Variants in EFCAB5 observed in about 807,000 individuals in gnomAD.
EFCAB5 encodes EF-hand calcium binding domain 5, also known as EF-hand calcium-binding domain-containing protein 5.
Under a neutral mutation model 167.9 loss-of-function variants are expected in EFCAB5, and 131 were observed. The observed-to-expected ratio is 0.78, with a 90% confidence interval of 0.68 to 0.90. The LOEUF (loss-of-function observed/expected upper bound fraction) is 0.90. Among genes scored for constraint, EFCAB5 ranks in the 40% least tolerant of loss-of-function variants. The probability of loss-of-function intolerance (pLI) is 0.00; values close to 1 mark genes in which losing one functional copy is unlikely to be tolerated. For missense variants in EFCAB5, 1,663 were observed against 1,745.2 expected, an observed-to-expected ratio of 0.95 and a Z score of 0.84; for synonymous variants, 574 against 602.8, an observed-to-expected ratio of 0.95 and a Z score of 0.70.
chr17:30,075,244 T>C (rs1007851189), intron 14 of EFCAB5, among the ~76,000 whole-genome samples: 3 of 152,224 alleles, frequency 2.0e-5, no homozygotes, highest in African/African-American at 7.2e-5. Context: ...TCCTTCTTAC[T>C]ACATTTAAGT....
At chr17:30,019,062 C>A (rs1294153773) in intron 7 of EFCAB5, among the ~76,000 whole-genome samples, 2 of 152,128 alleles carry the variant, frequency 1.3e-5, no homozygotes, top group Admixed American at 1.3e-4. Context: ...AGAGGCTTGA[C>A]ATTTTCTTTT....
At chr17:30,043,778 A>T (rs2069842056) in intron 8 of EFCAB5, among the ~76,000 whole-genome samples, 1 of 152,220 alleles carries the variant, frequency 6.6e-6, no homozygotes, top group South Asian at 2.1e-4. Context: ...TGAATGAATC[A>T]AAAAATTCAG....
chr17:29,950,589 G>A (rs1346593453), intron 3 of EFCAB5: 1 of 152,044 alleles, frequency 6.6e-6, no homozygotes, highest in East Asian at 1.9e-4. Context: ...GCCCAGAGTG[G>A]TCTTGAGCTC....
intron 1 of EFCAB5, among the ~76,000 whole-genome samples, chr17:29,934,004 C>G (rs9905638): frequency 0.49 from 74,671 of 151,884 alleles, 18,711 homozygotes; most frequent in East Asian, 0.69. Context: ...CTTTTAATGA[C>G]AAAAATAAAC....
At chr17:30,090,715 T>C (rs2071179554) in intron 20 of EFCAB5, 41 bp downstream of exon 20, 6 of 1,573,482 alleles carry the variant, frequency 3.8e-6, no homozygotes, top group Non-Finnish European at 5.2e-6. Context: ...ACAGGTTTAA[T>C]AGGTTTTGGG....
chr17:29,971,753 T>C (rs2067959508), intron 4 of EFCAB5, among the ~76,000 whole-genome samples: 1 of 152,226 alleles, frequency 6.6e-6, no homozygotes. Context: ...CACTGAAATA[T>C]GCTTTCTACT....
At chr17:29,966,360 G>A (rs943457459) in intron 3 of EFCAB5, among the ~76,000 whole-genome samples, 2 of 152,170 alleles carry the variant, frequency 1.3e-5, no homozygotes, top group African/African-American at 4.8e-5. Context: ...GCTGGGCATG[G>A]TGGTTCATGC....
chr17:29,983,982 G>A (rs1210046322), intron 4 of EFCAB5, among the ~76,000 whole-genome samples: 2 of 152,036 alleles, frequency 1.3e-5, no homozygotes, highest in Non-Finnish European at 1.5e-5. Flanking sequence ...TCATTTTTGT[G>A]TCACATGAGA....
chr17:30,086,278 A>G (rs2071087549), intron 18 of EFCAB5, among the ~76,000 whole-genome samples: 1 of 152,206 alleles, frequency 6.6e-6, no homozygotes, highest in African/African-American at 2.4e-5. Context: ...GTTTCTACGA[A>G]AAAATATTGA....
rs1167238873 is a variant in EFCAB5 at position 30,093,453 on chromosome 17, A to C, written c.4321+517A>C. Reference sequence around the variant, plus strand: ...CCAGAGGCCTCAGGCTGTGATGAGGAATTCATTTATAGTTTGTTTTTTTCT... The same window carrying C: ...CCAGAGGCCTCAGGCTGTGATGAGGCATTCATTTATAGTTTGTTTTTTTCT... On this transcript the variant is annotated intron_variant, in intron 22 of 22. Coordinates refer to ENST00000394835, the MANE Select transcript of EFCAB5 (RefSeq NM_198529.4). Among the ~76,000 whole-genome samples, 3 of 152,210 alleles carry C rather than the reference A, an allele frequency of 2.0e-5. No homozygotes were observed. The East Asian group carries it at 5.8e-4, about 29-fold the overall frequency.
At chr17:30,019,551 T>C (rs1286854158) in intron 7 of EFCAB5, among the ~76,000 whole-genome samples, 3 of 151,762 alleles carry the variant, frequency 2.0e-5, no homozygotes, top group Non-Finnish European at 2.9e-5. Context: ...GTTCAAGCAA[T>C]TCTCCAGCCT....
chr17:30,088,180 T>C (rs2071125646), intron 19 of EFCAB5, among the ~76,000 whole-genome samples: 2 of 152,196 alleles, frequency 1.3e-5, no homozygotes, highest in African/African-American at 4.8e-5. Flanking sequence ...GGGAGTGCAG[T>C]GCTATGATCT....
intron 3 of EFCAB5, chr17:29,968,517 T>C (rs975497176): frequency 5.5e-6 from 2 of 360,974 alleles, no homozygotes; most frequent in Non-Finnish European, 1.0e-5. Flanking sequence ...CGTCATGTGA[T>C]CATGAGGTAC....
intron 3 of EFCAB5, among the ~76,000 whole-genome samples, chr17:29,963,816 G>T (rs1372479681): frequency 6.6e-6 from 1 of 152,146 alleles, no homozygotes; most frequent in East Asian, 1.9e-4. Context: ...CTAGTGGGAG[G>T]TTTTTGGGTT....
chr17:30,048,703 C>T (rs767091751), intron 8 of EFCAB5, among the ~76,000 whole-genome samples: 6 of 152,022 alleles, frequency 3.9e-5, no homozygotes, highest in Non-Finnish European at 8.8e-5. Context: ...GGCCAGGCTG[C>T]TCTTAAACTC....
At chr17:30,003,099 C>CGG (rs142050259) in intron 7 of EFCAB5, among the ~76,000 whole-genome samples, 5 of 104,386 alleles carry the variant, frequency 4.8e-5, no homozygotes, top group South Asian at 3.3e-4. Flanking sequence ...TTTTTTGTAG[C>CGG]GGGGGGGGGG....
At chr17:30,050,786 G>A (rs1227444267) in intron 8 of EFCAB5, among the ~76,000 whole-genome samples, 1 of 152,110 alleles carries the variant, frequency 6.6e-6, no homozygotes, top group Admixed American at 6.5e-5. Context: ...GACAAGTAGG[G>A]AGCGGTAAAT....
In EFCAB5 at chr17:30,024,164, G is replaced by C. The variant is rs535441709; in HGVS notation, c.1045-10066G>C. Among the ~76,000 whole-genome samples the C allele has an allele frequency of 2.4e-4, 36 of 152,178 alleles. No homozygotes were observed. In the South Asian group the frequency reaches 7.3e-3, roughly 31 times the overall value. Reference sequence around the variant, plus strand: ...TCTCACCACTCCTATTCAACATAGTGTTGGAAGTTCTGGCCAGGGCAATTA... The same window carrying C: ...TCTCACCACTCCTATTCAACATAGTCTTGGAAGTTCTGGCCAGGGCAATTA... On this transcript the variant is annotated intron_variant, in intron 7 of 22. Transcript: ENST00000394835.
chr17:30,079,476 T>A (rs1042281345), intron 15 of EFCAB5, among the ~76,000 whole-genome samples: 3 of 152,224 alleles, frequency 2.0e-5, no homozygotes, highest in African/African-American at 7.2e-5. Context: ...TATTGACACA[T>A]AATATTGTTA....
Sources: allele counts gnomAD v4.1 joint callset (sites outside exome capture counted in the v4.1 genomes callset), GRCh38; gene constraint gnomAD v4.1.1; transcripts MANE v1.5; gene names NCBI Gene and HGNC (gene_info 2026-07-23, HGNC 2026-07-21).